RIMS1: variants seen among roughly 807,000 people sequenced by gnomAD.
RIMS1 encodes the protein regulating synaptic membrane exocytosis protein 1.
In RIMS1, 83 loss-of-function variants were observed where a neutral mutation model predicts 214.1. The observed-to-expected ratio is 0.39, with a 90% CI of 0.32 to 0.47. RIMS1 has a LOEUF of 0.47. Ranked by LOEUF, RIMS1 falls within the 20% of genes least tolerant of loss-of-function variation. The pLI, the probability that RIMS1 is intolerant of heterozygous loss-of-function variation, is 0.99. For synonymous variants in RIMS1, 793 were observed against 786.8 expected (o/e 1.01, Z -0.13); for missense variants, 2,050 against 2,161.8 (o/e 0.95, Z 1.03).
chr6:72,220,497 GA>G (rs1562693676), intron 6 of RIMS1, among the ~76,000 whole-genome samples: 1 of 152,026 alleles, frequency 6.6e-6, no homozygotes, highest in African/African-American at 2.4e-5. Context: ...TTCAGTGGTA[GA>G]AAAAGTCCTG....
At chr6:72,112,152 T>A (rs2036221323) in intron 4 of RIMS1, among the ~76,000 whole-genome samples, 1 of 152,118 alleles carries the variant, frequency 6.6e-6, no homozygotes, top group African/African-American at 2.4e-5. Flanking sequence ...CCTCCTGGCC[T>A]TTCCTCCCCC....
At chr6:72,254,367 C>T (rs1186879223) in intron 16 of RIMS1, among the ~76,000 whole-genome samples, 1 of 152,090 alleles carries the variant, frequency 6.6e-6, no homozygotes, top group Non-Finnish European at 1.5e-5. Flanking sequence ...TACACACATT[C>T]TCAACAGAAA....
intron 2 of RIMS1, among the ~76,000 whole-genome samples, chr6:72,022,943 A>G (rs1384606193): frequency 1.3e-5 from 2 of 152,194 alleles, no homozygotes; most frequent in African/African-American, 4.8e-5. Flanking sequence ...TATAAGTGAC[A>G]TTAAACACAC....
intron 2 of RIMS1, among the ~76,000 whole-genome samples, chr6:72,082,976 T>C (rs1833776530): frequency 6.6e-6 from 1 of 152,142 alleles, no homozygotes; most frequent in South Asian, 2.1e-4. Context: ...ATTATTCTGA[T>C]CAAATATTAA....
chr6:72,334,074 A>G (rs1381133144), intron 29 of RIMS1, among the ~76,000 whole-genome samples: 2 of 151,882 alleles, frequency 1.3e-5, no homozygotes, highest in East Asian at 3.9e-4. Context: ...TAAAAAAATT[A>G]AGGTCATATT....
chr6:72,271,286 A>ATATATATATATATATATAT (rs1554403465), intron 22 of RIMS1, among the ~76,000 whole-genome samples: 9 of 44,388 alleles, frequency 2.0e-4, no homozygotes, highest in African/African-American at 4.3e-4. Context: ...AAAAAAAAAA[A>ATATATATATATATATATAT]ATATATATAT....
intron 4 of RIMS1, among the ~76,000 whole-genome samples, chr6:72,102,035 A>G (rs1257469765): frequency 6.6e-6 from 1 of 151,936 alleles, no homozygotes; most frequent in Non-Finnish European, 1.5e-5. Context: ...TTGAAGCCTA[A>G]ATATATAGCA....
chr6:72,212,741 CAG>C, intron 6 of RIMS1: 1 of 872,946 alleles, frequency 1.1e-6, no homozygotes, highest in Non-Finnish European at 1.4e-6. Flanking sequence ...TGTCATCTGG[CAG>C]AGAGCTTATT....
chr6:72,175,711 C>T (rs1176142531), intron 4 of RIMS1, among the ~76,000 whole-genome samples: 2 of 151,782 alleles, frequency 1.3e-5, no homozygotes, highest in East Asian at 1.9e-4. Context: ...TAGACCTCGT[C>T]GTGAATCACC....
At chr6:72,353,422 C>T (rs925851052) in intron 29 of RIMS1, among the ~76,000 whole-genome samples, 2 of 152,168 alleles carry the variant, frequency 1.3e-5, no homozygotes, top group African/African-American at 4.8e-5. Flanking sequence ...AAAACTGACC[C>T]CACAATTTCT....
chr6:71,999,666 C>T (rs1804528707), intron 2 of RIMS1, among the ~76,000 whole-genome samples: 1 of 152,052 alleles, frequency 6.6e-6, no homozygotes, highest in African/African-American at 2.4e-5. Context: ...TTAAAATCGT[C>T]CACCTTTAAT....
At chr6:71,981,369 A>G (rs995407839) in intron 2 of RIMS1, among the ~76,000 whole-genome samples, 4 of 152,146 alleles carry the variant, frequency 2.6e-5, no homozygotes, top group African/African-American at 9.6e-5. Context: ...ACTTCTGGTT[A>G]TTCATTTTAA....
intron 4 of RIMS1, among the ~76,000 whole-genome samples, chr6:72,167,278 A>G (rs902127863): frequency 1.3e-5 from 2 of 151,962 alleles, no homozygotes; most frequent in Non-Finnish European, 2.9e-5. Flanking sequence ...TTCACTTTGT[A>G]ATAATGTTTT....
intron 4 of RIMS1, among the ~76,000 whole-genome samples, chr6:72,159,804 A>T (rs1310530358): frequency 7.1e-6 from 1 of 139,928 alleles, no homozygotes; most frequent in Admixed American, 7.3e-5. Context: ...CTTGAAGTAT[A>T]GTTTGAAGTC....
intron 1 of RIMS1, among the ~76,000 whole-genome samples, chr6:71,957,767 C>T (rs1048864067): frequency 4.0e-5 from 6 of 149,866 alleles, no homozygotes; most frequent in Admixed American, 1.3e-4. Flanking sequence ...AATTTTTAGC[C>T]GATAAAATAA....
intron 2 of RIMS1, among the ~76,000 whole-genome samples, chr6:72,015,965 C>T (rs774250293): frequency 1.3e-5 from 2 of 152,034 alleles, no homozygotes; most frequent in African/African-American, 4.8e-5. Flanking sequence ...TCATAGAGGA[C>T]ATTTATCAAA....
chr6:72,255,782 A>G (rs2154146873), intron 16 of RIMS1, among the ~76,000 whole-genome samples: 1 of 152,276 alleles, frequency 6.6e-6, no homozygotes, highest in East Asian at 1.9e-4. Flanking sequence ...TCACGCCTGT[A>G]ATCCCAGCAC....
In RIMS1 at chr6:72,255,267, G is replaced by A. The variant is rs577186719; in HGVS notation, c.2770+2435G>A. Among the ~76,000 whole-genome samples the A allele has an allele frequency of 4.6e-4, 70 of 152,238 alleles. No homozygotes were observed. The South Asian group carries it at 8.3e-3, about 18-fold the overall frequency. On this transcript the variant is annotated intron_variant, in intron 16 of 33. Coordinates refer to ENST00000521978, the MANE Select transcript of RIMS1 (RefSeq NM_014989.7). ...TTTTAGATGTTGGTTACAAATTTGCGTCTACGTTTCCTAGCATCCAATATG... is the reference window on the plus strand; with the variant it reads ...TTTTAGATGTTGGTTACAAATTTGCATCTACGTTTCCTAGCATCCAATATG...
At chr6:72,007,186 C>T (rs1217551628) in intron 2 of RIMS1, among the ~76,000 whole-genome samples, 2 of 152,208 alleles carry the variant, frequency 1.3e-5, no homozygotes, top group South Asian at 2.1e-4. Flanking sequence ...TGTTCTGCAG[C>T]CTCCGCTGCT....
Sources: allele counts gnomAD v4.1 joint callset (sites outside exome capture counted in the v4.1 genomes callset), GRCh38; gene constraint gnomAD v4.1.1; transcripts MANE v1.5; gene names NCBI Gene and HGNC (gene_info 2026-07-23, HGNC 2026-07-21).